Variants in N4BP3 observed in about 807,000 individuals in gnomAD.
N4BP3 encodes the protein NEDD4-binding protein 3.
Under a neutral mutation model 43.8 loss-of-function variants are expected in N4BP3, and 33 were observed. That is an observed-to-expected ratio of 0.75 (90% CI 0.57 to 1.01). The LOEUF (loss-of-function observed/expected upper bound fraction) is 1.01. Among genes scored for constraint, N4BP3 ranks in the 50% least tolerant of loss-of-function variants. The probability of loss-of-function intolerance (pLI) is 0.00; values close to 1 mark genes in which losing one functional copy is unlikely to be tolerated. For missense variants in N4BP3, 756 were observed against 744.2 expected (o/e 1.02, Z -0.18); for synonymous variants, 326 against 321.9 (o/e 1.01, Z -0.14).
intron 2 of N4BP3, 28 bp downstream of exon 2, chr5:178,119,941 G>A (rs1223932859): frequency 4.5e-6 from 7 of 1,563,626 alleles, no homozygotes; most frequent in Non-Finnish European, 6.0e-6. Context: ...CCCCTTACAA[G>A]GTGTGGGGAG....
intron 1 of N4BP3, among the ~76,000 whole-genome samples, chr5:178,116,991 T>C (rs1331070302): frequency 6.6e-6 from 1 of 152,116 alleles, no homozygotes; most frequent in Non-Finnish European, 1.5e-5. Flanking sequence ...TTTTTAAAAA[T>C]AAATAGAGAT....
At chr5:178,120,820 A>T (rs1757903311) in intron 3 of N4BP3, 121 bp downstream of exon 3, 1 of 1,355,288 alleles carries the variant, frequency 7.4e-7, no homozygotes, top group African/African-American at 1.5e-5. Context: ...AGAAAGGGGG[A>T]GCTGGCTTGG....
rs751520277 is a variant in N4BP3 at position 178,121,624 on chromosome 5, G to T, written c.1258G>T (p.Val420Phe). ...AQAQAQDAEL[V>F]RLREAVRSLQ... ...AGCCCAGGCTCAGGACGCAGAGCTG[G>T]TCCGGCTGCGCGAGGCTGTGCGCAG... The change falls in exon 5 of 5, where the codon GTC becomes TTC. Residue 420 changes from valine (V) to phenylalanine (F), a missense_variant. Transcript: ENST00000274605. 2.5e-6 allele frequency: 4 copies of T among 1,612,994 alleles called. No individual in the cohort carries two copies. Among genetic ancestry groups the T allele is most frequent in the African/African-American group, 2.7e-5 (2 of 75,058 alleles).
In N4BP3 at chr5:178,120,482, T is replaced by C. The variant is rs1342490253; in HGVS notation, c.635T>C (p.Leu212Pro). The C allele has an allele frequency of 1.9e-5, 31 of 1,612,928 alleles. No individual in the cohort carries two copies. The Admixed American group carries it at 2.5e-4, about 13-fold the overall frequency. ...GTGPSPFSSS[L>P]GHLNHLGGSL... ...GGCCCTAGCCCCTTCAGCTCCTCCC[T>C]TGGCCACCTTAACCACCTCGGGGGC... Residue 212 changes from leucine (L) to proline (P), a missense_variant, in exon 3 of 5, where the codon CTT (leucine) becomes CCT (proline). By Grantham distance (98) the Leu-to-Pro change is moderately conservative. Transcript: ENST00000274605.
At chr5:178,115,471 G>C (rs571078055) in intron 1 of N4BP3, among the ~76,000 whole-genome samples, 1 of 152,224 alleles carries the variant, frequency 6.6e-6, no homozygotes, top group South Asian at 2.1e-4. Context: ...AGGAGGGGCT[G>C]ACTGTAGCCA....
downstream of N4BP3, among the ~76,000 whole-genome samples, chr5:178,126,772 T>C (rs1758073261): frequency 6.6e-6 from 1 of 152,328 alleles, no homozygotes; most frequent in South Asian, 2.1e-4. Context: ...CAGGAAAGGA[T>C]ACTGAAGGTG....
Position 178,120,491 on chromosome 5 carries a change from T to C in N4BP3, c.644T>C (p.Leu215Pro). ...PSPFSSSLGHLNHLGGSLDRA... is the reference protein window; with the variant it reads ...PSPFSSSLGHPNHLGGSLDRA... ...CCCTTCAGCTCCTCCCTTGGCCACC[T>C]TAACCACCTCGGGGGCTCCCTGGAC... The change falls in exon 3 of 5, where the codon CTT becomes CCT. Residue 215 changes from leucine (L) to proline (P), a missense_variant. Physicochemically the swap from Leu to Pro is moderately conservative, Grantham distance 98. Transcript: ENST00000274605. 7 of 1,613,088 alleles carry C rather than the reference T, an allele frequency of 4.3e-6. No homozygotes were observed. The highest frequency in any genetic ancestry group is 5.9e-6 in the Non-Finnish European group (7 of 1,180,026).
At position 178,125,893 on chromosome 5, in the gene N4BP3, T is replaced by C. The variant is rs981567350; in HGVS notation, c.*3892T>C. 6.6e-6 allele frequency: 1 copy of C among 152,136 alleles called. No individual in the cohort carries two copies. Among genetic ancestry groups the C allele is most frequent in the Non-Finnish European group, 1.5e-5 (1 of 68,024 alleles). The allele number at this position is 152,136 out of a possible 1,614,324, so 9.4% of individuals were successfully genotyped here. A position where few individuals can be genotyped will look rare whatever the true frequency, so the allele number is the denominator to read the frequency against. ...TTTCACAATAACCGTATGGGGTTTT[T>C]TCTCTTTCCTTTTTTGTGAGCGGTA... On this transcript the variant is annotated 3_prime_UTR_variant, in exon 5 of 5. Transcript: ENST00000274605.
chr5:178,122,015 A>G lies in N4BP3; in HGVS notation c.*14A>G. 6.4e-7 allele frequency: 1 copy of G among 1,568,738 alleles called. No homozygotes were observed. The highest frequency in any genetic ancestry group is 8.6e-7 in the Non-Finnish European group (1 of 1,158,548). Reference sequence around the variant, plus strand: ...TCCAAGATCTGAGGCCAGCAGAGCGAGCTGACAGCAGCAACACTGTCAGAA... The same window carrying G: ...TCCAAGATCTGAGGCCAGCAGAGCGGGCTGACAGCAGCAACACTGTCAGAA... On this transcript the variant is annotated 3_prime_UTR_variant, in exon 5 of 5. Coordinates refer to ENST00000274605, the MANE Select transcript of N4BP3 (RefSeq NM_015111.2).
At position 178,121,184 on chromosome 5, in the gene N4BP3, G is replaced by A. The variant is rs764669825; in HGVS notation, c.939G>A (p.Glu313=). The stretch of plus-strand genomic sequence containing the variant: ...TGCACGAGGTGACCCAGAAGGCTGA[G>A]CGCAGCGAGCGCAACCTCCAGCTGC... The part of the protein sequence containing the change: ...ERLHEVTQKA[E]RSERNLQLQL... Residue 313 remains glutamate, a synonymous_variant, in exon 4 of 5, where the codon GAG becomes GAA. Coordinates refer to ENST00000274605, the MANE Select transcript of N4BP3 (RefSeq NM_015111.2). 20 of 1,600,950 alleles carry A rather than the reference G, an allele frequency of 1.2e-5. No individual in the cohort carries two copies. The highest frequency in any genetic ancestry group is 2.2e-5 in the East Asian group (1 of 44,654).
Position 178,125,203 on chromosome 5 carries a change from C to G in N4BP3, c.*3202C>G, listed in dbSNP as rs1340353683. 6.6e-6 allele frequency: 1 copy of G among 152,418 alleles called. No individual in the cohort carries two copies. Among genetic ancestry groups the G allele is most frequent in the East Asian group, 1.9e-4 (1 of 5,206 alleles). 9.4% of individuals were successfully genotyped at this position (152,418 alleles called of 1,614,324 possible). On this transcript the variant is annotated 3_prime_UTR_variant, in exon 5 of 5. Transcript: ENST00000274605. The stretch of plus-strand genomic sequence containing the variant: ...TTTGGGGCCTTCTCAGGTGAGGAAG[C>G]CAAGGTGGCCAAGGCCCTCGGTCCC...
Position 178,122,114 on chromosome 5 carries a change from T to TG in N4BP3, c.*117dup. The stretch of plus-strand genomic sequence containing the variant: ...GAACCTGCAGAGGCCAGCCCGGGGC[T>TG]GGGGAGGCGCAAGGAGAGGAGGGAT... On this transcript the variant is annotated 3_prime_UTR_variant, in exon 5 of 5. Coordinates refer to ENST00000274605, the MANE Select transcript of N4BP3 (RefSeq NM_015111.2). The TG allele has an allele frequency of 1.5e-6, 2 of 1,333,782 alleles. No individual in the cohort carries two copies. Among genetic ancestry groups the TG allele is most frequent in the Non-Finnish European group, 2.0e-6 (2 of 1,004,998 alleles). The allele number at this position is 1,333,782 out of a possible 1,614,324, so 82.6% of individuals were successfully genotyped here.
rs772374690 is a variant in N4BP3, at chr5:178,121,186, G to A, written c.941G>A (p.Arg314His). The A allele has an allele frequency of 2.6e-5, 41 of 1,601,196 alleles. No homozygotes were observed. The highest frequency in any genetic ancestry group is 4.5e-5 in the East Asian group (2 of 44,652). ...RLHEVTQKAE[R>H]SERNLQLQLF... The stretch of plus-strand genomic sequence containing the variant: ...CACGAGGTGACCCAGAAGGCTGAGC[G>A]CAGCGAGCGCAACCTCCAGCTGCAG... Residue 314 changes from arginine to histidine, a missense_variant, in exon 4 of 5, where the codon CGC (arginine) becomes CAC (histidine). Physicochemically the swap from Arg to His is conservative, Grantham distance 29 (BLOSUM62 0). Transcript: ENST00000274605.
chr5:178,115,776 C>A (rs536871681), intron 1 of N4BP3, among the ~76,000 whole-genome samples: 1 of 152,312 alleles, frequency 6.6e-6, no homozygotes, highest in South Asian at 2.1e-4. Context: ...CGCGTCCTCT[C>A]CTTCTTTGCT....
chr5:178,119,621 G>A lies in N4BP3; in HGVS notation c.38G>A (p.Gly13Asp). Residue 13 changes from glycine (G) to aspartate (D), a missense_variant, in exon 2 of 5, where the codon GGC becomes GAC. By Grantham distance (94) the Gly-to-Asp change is moderately conservative. Transcript: ENST00000274605. Reference protein sequence around the residue: ...TAPGPAGIAMGSVGSLLERQD... With the variant: ...TAPGPAGIAMDSVGSLLERQD... Reference sequence around the variant, plus strand: ...CCAGGCCCTGCTGGCATTGCCATGGGCAGCGTGGGCAGCCTGTTGGAACGG... The same window carrying A: ...CCAGGCCCTGCTGGCATTGCCATGGACAGCGTGGGCAGCCTGTTGGAACGG... 6.4e-7 allele frequency: 1 copy of A among 1,568,974 alleles called. No individual in the cohort carries two copies. The highest frequency in any genetic ancestry group is 8.6e-7 in the Non-Finnish European group (1 of 1,157,254).
At chr5:178,119,963 C>T (rs759551534) in intron 2 of N4BP3, 50 bp downstream of exon 2, 2 of 1,530,782 alleles carry the variant, frequency 1.3e-6, no homozygotes, top group East Asian at 4.5e-5. Flanking sequence ...GTGGGGTCTC[C>T]TTGGAGACCC....
intron 1 of N4BP3, among the ~76,000 whole-genome samples, chr5:178,114,138 C>G (rs1757714276): frequency 6.6e-6 from 1 of 152,186 alleles, no homozygotes; most frequent in African/African-American, 2.4e-5. Flanking sequence ...CCTCGGCCTC[C>G]GCCCCCCGGC....
At chr5:178,114,496 C>G (rs1757725568) in intron 1 of N4BP3, among the ~76,000 whole-genome samples, 1 of 152,224 alleles carries the variant, frequency 6.6e-6, no homozygotes, top group Admixed American at 6.5e-5. Context: ...GGGGACAAGC[C>G]GAAATCAGGG....
At position 178,120,481 on chromosome 5, in the gene N4BP3, C is replaced by G. The variant is rs1757890826; in HGVS notation, c.634C>G (p.Leu212Val). Residue 212 changes from leucine (L) to valine (V), a missense_variant, in exon 3 of 5, where the codon CTT becomes GTT. Physicochemically the swap from Leu to Val is conservative, Grantham distance 32. Coordinates refer to ENST00000274605, the MANE Select transcript of N4BP3 (RefSeq NM_015111.2). ...GTGPSPFSSS[L>V]GHLNHLGGSL... ...TGGCCCTAGCCCCTTCAGCTCCTCC[C>G]TTGGCCACCTTAACCACCTCGGGGG... The G allele has an allele frequency of 6.2e-6, 10 of 1,613,090 alleles. No individual in the cohort carries two copies. The highest frequency in any genetic ancestry group is 8.5e-6 in the Non-Finnish European group (10 of 1,180,024).
Sources: gnomAD v4.1 joint callset for allele counts (sites outside exome capture counted in the v4.1 genomes callset) on GRCh38, gnomAD v4.1.1 for gene constraint, MANE v1.5 for transcripts, NCBI Gene and HGNC (gene_info 2026-07-23, HGNC 2026-07-21) for gene names.